TBX21: variants seen among roughly 807,000 people sequenced by gnomAD.
TBX21 encodes T-box transcription factor TBX21.
Under a neutral mutation model 52.2 loss-of-function variants are expected in TBX21, and 11 were observed. The ratio of observed to expected loss-of-function variants is 0.21; its 90% CI spans 0.13 to 0.35. The LOEUF (loss-of-function observed/expected upper bound fraction) is 0.35, where lower values mean the gene tolerates loss of function less well. Ranked by LOEUF, TBX21 falls within the 10% of genes least tolerant of loss-of-function variation. TBX21 has a pLI of 1.00. For synonymous variants in TBX21, 300 were observed against 316.1 expected (o/e 0.95, Z 0.54); for missense variants, 625 against 755.1 (o/e 0.83, Z 2.02).
At chr17:47,739,451 T>C (rs2032243421) in intron 1 of TBX21, among the ~76,000 whole-genome samples, 1 of 137,132 alleles carries the variant, frequency 7.3e-6, no homozygotes. Context: ...CATAGCAGAC[T>C]CCATCTCTTA....
rs2032274213 is a variant in TBX21, at chr17:47,742,239, T to C, written c.492-371T>C. 6.6e-6 allele frequency among the ~76,000 whole-genome samples: 1 copy of C among 151,716 alleles called. No homozygotes were observed. ...CGCCCACGACCACACCCAGCTATTT[T>C]TGTTGTTGTTGTTGTACTTTTTAGT... is the stretch of plus-strand genomic sequence containing the variant. On this transcript the variant is annotated intron_variant, in intron 1 of 5. Transcript: ENST00000177694. The surrounding 1 kb of genome is among the most constrained non-coding windows in gnomAD (Gnocchi z 4.4).
At chr17:47,744,083 G>C in intron 3 of TBX21, 112 bp from the exon 4 acceptor site, 1 of 1,371,122 alleles carries the variant, frequency 7.3e-7, no homozygotes, top group Non-Finnish European at 1.0e-6. Flanking sequence ...GGAATGGACA[G>C]GATGACCTCA....
At position 47,745,522 on chromosome 17, in the gene TBX21, G is replaced by T. The variant is rs17244573; in HGVS notation, c.*156G>T. Reference sequence around the variant, plus strand: ...GGAAGTGGGGCTCAAGAAGGATTTTGGGGTTCACCAGATGCTTCCTGGCCC... The same window carrying T: ...GGAAGTGGGGCTCAAGAAGGATTTTTGGGTTCACCAGATGCTTCCTGGCCC... On this transcript the variant is annotated 3_prime_UTR_variant, in exon 6 of 6. Transcript: ENST00000177694. 1.8e-3 allele frequency: 1,962 copies of T among 1,102,014 alleles called. 7 individuals are homozygous for T. The highest frequency in any genetic ancestry group is 1.4e-3 in the Non-Finnish European group (1,102 of 797,414). The allele number at this position is 1,102,014 out of a possible 1,614,324, so 68.3% of individuals were successfully genotyped here.
At chr17:47,734,011 T>G (rs1345605864) in intron 1 of TBX21, 66 bp downstream of exon 1, 16 of 1,608,098 alleles carry the variant, frequency 9.9e-6, no homozygotes, top group Non-Finnish European at 1.4e-5. Flanking sequence ...TCTCGTCTGT[T>G]TTTCTGGCTC....
intron 3 of TBX21, among the ~76,000 whole-genome samples, chr17:47,743,909 A>C (rs1043697457): frequency 1.3e-5 from 2 of 151,474 alleles, no homozygotes; most frequent in Non-Finnish European, 2.9e-5. Context: ...AAAAGAAAAA[A>C]GAAAAAAAAG....
intron 1 of TBX21, among the ~76,000 whole-genome samples, chr17:47,740,147 C>G (rs2032252391): frequency 6.6e-6 from 1 of 151,936 alleles, no homozygotes; most frequent in South Asian, 2.1e-4. Flanking sequence ...GTCACCGCAA[C>G]CTTCGCCTCC....
Position 47,745,207 on chromosome 17 carries a change from C to A in TBX21, c.1449C>A (p.Ile483=). 1 of 1,614,240 alleles carries A rather than the reference C, an allele frequency of 6.2e-7. No homozygotes were observed. The highest frequency in any genetic ancestry group is 8.5e-7 in the Non-Finnish European group (1 of 1,180,044). ...TGGTGTGGACTGAGATTGCCCCCATCCGGCCGGAATCCAGTGATTCAGGAC... is the reference window on the plus strand; with the variant it reads ...TGGTGTGGACTGAGATTGCCCCCATACGGCCGGAATCCAGTGATTCAGGAC... ...PPLVWTEIAP[I]RPESSDSGLG... Residue 483 remains isoleucine, a synonymous_variant, in exon 6 of 6, where the codon ATC becomes ATA. Transcript: ENST00000177694.
At position 47,733,739 on chromosome 17, in the gene TBX21, G is replaced by T. The variant is rs763798341; in HGVS notation, c.285G>T (p.Pro95=). 28 of 1,439,816 alleles carry T rather than the reference G, an allele frequency of 1.9e-5. No individual in the cohort carries two copies. In the East Asian group the frequency reaches 5.5e-4, roughly 28 times the overall value. 89.2% of individuals were successfully genotyped at this position (1,439,816 alleles called of 1,614,324 possible). A position where few individuals can be genotyped will look rare whatever the true frequency, so the allele number is the denominator to read the frequency against. The change falls in exon 1 of 6, where the codon CCG becomes CCT. Residue 95 remains proline (P), a synonymous_variant. Transcript: ENST00000177694. The surrounding 1 kb of genome is among the most constrained non-coding windows in gnomAD (Gnocchi z 6.6). ...CCGGCGCGGGCGAGTCCTTCCCGCC[G>T]CCCGCGGACGCCGAGGGCTACCAGC... ...GFPGAGESFP[P]PADAEGYQPG...
chr17:47,733,613 C>G lies in TBX21; in HGVS notation c.159C>G (p.Ser53Arg), dbSNP rs1276332564. ...CGGACGAGCGTCGCGGGGGCGGCAG[C>G]CTGGGGTCTCCCTACCCGGGGGGCG... ...QDADERRGGG[S>R]LGSPYPGGAL... The change falls in exon 1 of 6, where the codon AGC (serine) becomes AGG (arginine). Residue 53 changes from serine (S) to arginine (R), a missense_variant. By Grantham distance (110) the Ser-to-Arg change is moderately radical. Transcript: ENST00000177694. The surrounding 1 kb of genome is among the most constrained non-coding windows in gnomAD (Gnocchi z 6.6). The G allele has an allele frequency of 6.9e-7, 1 of 1,453,100 alleles. No individual in the cohort carries two copies. The allele number at this position is 1,453,100 out of a possible 1,614,324, so 90.0% of individuals were successfully genotyped here.
In TBX21 at chr17:47,745,708, C is replaced by T; in HGVS notation, c.*342C>T. 4.0e-6 allele frequency: 1 copy of T among 251,000 alleles called. No homozygotes were observed. The allele number at this position is 251,000 out of a possible 1,614,324, so 15.5% of individuals were successfully genotyped here. On this transcript the variant is annotated 3_prime_UTR_variant, in exon 6 of 6. Transcript: ENST00000177694. ...TTTGCATCTAGTGGGTGGGAGGGGT[C>T]AGGTGTGGGACATGGGAGCAGGAGA... is the stretch of plus-strand genomic sequence containing the variant.
rs114872775 is a variant in TBX21 at position 47,740,741 on chromosome 17, G to A, written c.492-1869G>A. Among the ~76,000 whole-genome samples, 403 of 152,242 alleles carry A rather than the reference G, an allele frequency of 2.6e-3. 2 individuals carry two copies. The highest frequency in any genetic ancestry group is 9.3e-3 in the African/African-American group (386 of 41,560). ...CGAAACTCCATTTCAAAAAGAAACT[G>A]AGATTTGGCTTGAGAATTAACTTAT... On this transcript the variant is annotated intron_variant, in intron 1 of 5. Transcript: ENST00000177694.
rs1455199936 is a variant in TBX21, at chr17:47,745,700, G to C, written c.*334G>C. The stretch of plus-strand genomic sequence containing the variant: ...AGGAGCTTTTTGCATCTAGTGGGTG[G>C]GAGGGGTCAGGTGTGGGACATGGGA... On this transcript the variant is annotated 3_prime_UTR_variant, in exon 6 of 6. Transcript: ENST00000177694. The C allele has an allele frequency of 7.7e-6, 2 of 259,926 alleles. No homozygotes were observed. Among genetic ancestry groups the C allele is most frequent in the African/African-American group, 2.2e-5 (1 of 44,854 alleles). The allele number at this position is 259,926 out of a possible 1,614,324, so 16.1% of individuals were successfully genotyped here. A position where few individuals can be genotyped will look rare whatever the true frequency, so the allele number is the denominator to read the frequency against.
chr17:47,737,465 C>T (rs539962204), intron 1 of TBX21, among the ~76,000 whole-genome samples: 3 of 152,262 alleles, frequency 2.0e-5, no homozygotes, highest in East Asian at 3.9e-4. Context: ...ACAACAATTT[C>T]AGTCCCACAC....
At chr17:47,734,044 C>G (rs542925902) in intron 1 of TBX21, 99 bp downstream of exon 1, 7 of 1,578,134 alleles carry the variant, frequency 4.4e-6, no homozygotes, top group Non-Finnish European at 4.3e-6. Flanking sequence ...GACTCCGTGT[C>G]CCTCACTGCT....
rs376391894 is a variant in TBX21, at chr17:47,744,563, A to G, written c.989+20A>G. On this transcript the variant is annotated intron_variant, in intron 5 of 5. Coordinates refer to ENST00000177694, the MANE Select transcript of TBX21 (RefSeq NM_013351.2). ...TGAGTCGTAAGTGCCACTGGGTTCA[A>G]CTCAGCTTTGGTCCCTCCTGAGACA... is the stretch of plus-strand genomic sequence containing the variant. The G allele has an allele frequency of 3.6e-5, 58 of 1,613,980 alleles. No homozygotes were observed. Among genetic ancestry groups the G allele is most frequent in the Non-Finnish European group, 4.7e-5 (56 of 1,179,998 alleles).
intron 1 of TBX21, among the ~76,000 whole-genome samples, chr17:47,738,195 T>C (rs1226325357): frequency 2.0e-5 from 3 of 152,216 alleles, no homozygotes; most frequent in African/African-American, 7.2e-5. Flanking sequence ...TCTTGCTCTG[T>C]CACCCACGCT....
chr17:47,745,051 C>T lies in TBX21; in HGVS notation c.1293C>T (p.Gly431=). The part of the protein sequence containing the change: ...RGQEVLAPGA[G]WPVAPQYPPK... The stretch of plus-strand genomic sequence containing the variant: ...AGGAGGTCCTGGCACCTGGAGCTGG[C>T]TGGCCTGTGGCACCCCAGTACCCTC... Residue 431 remains glycine, a synonymous_variant, in exon 6 of 6, where the codon GGC becomes GGT. Transcript: ENST00000177694. 6.2e-7 allele frequency: 1 copy of T among 1,612,816 alleles called. No homozygotes were observed. The highest frequency in any genetic ancestry group is 1.3e-5 in the African/African-American group (1 of 75,074).
intron 1 of TBX21, among the ~76,000 whole-genome samples, chr17:47,734,554 G>GGTGTGTGTGTGTGTGTGTGTGTGTGT (rs55690005): frequency 7.8e-5 from 8 of 102,936 alleles, no homozygotes; most frequent in Non-Finnish European, 1.2e-4. Context: ...TCATATGTCT[G>GGTGTGTGTGTGTGTGTGTGTGTGTGT]GTGTGTGTGT....
chr17:47,736,578 G>T (rs1278800618), intron 1 of TBX21, among the ~76,000 whole-genome samples: 1 of 152,024 alleles, frequency 6.6e-6, no homozygotes, highest in East Asian at 1.9e-4. Flanking sequence ...GTTTCTTTTG[G>T]TGCTTTTTCT....
Sources: allele counts gnomAD v4.1 joint callset (sites outside exome capture counted in the v4.1 genomes callset), GRCh38; gene constraint gnomAD v4.1.1; non-coding constraint Gnocchi (gnomAD v3.1); transcripts MANE v1.5; gene names NCBI Gene and HGNC (gene_info 2026-07-23, HGNC 2026-07-21).